PLCB4: variants seen among roughly 807,000 people sequenced by gnomAD.
The protein encoded by PLCB4 is phospholipase C beta 4.
PLCB4 carries 77 observed loss-of-function variants against 178.8 expected under a neutral mutation model. That is an observed-to-expected ratio of 0.43 (90% CI 0.36 to 0.52). The LOEUF (loss-of-function observed/expected upper bound fraction) is 0.52, where lower values mean the gene tolerates loss of function less well. PLCB4 is among the 20% of genes least tolerant of loss of function. PLCB4 has a pLI of 0.00. For missense variants in PLCB4, 1,024 were observed against 1,453.4 expected, an observed-to-expected ratio of 0.70 and a Z score of 4.80; for synonymous variants, 496 against 490.8, an observed-to-expected ratio of 1.01 and a Z score of -0.14.
chr20:9,173,393 A>C (rs1328706677), intron 2 of PLCB4, among the ~76,000 whole-genome samples: 1 of 152,184 alleles, frequency 6.6e-6, no homozygotes, highest in Non-Finnish European at 1.5e-5. Flanking sequence ...CCTTTAGAGG[A>C]GACACACGCT....
At chr20:9,236,397 A>T (rs928884016) in intron 3 of PLCB4, among the ~76,000 whole-genome samples, 6 of 152,196 alleles carry the variant, frequency 3.9e-5, no homozygotes, top group Non-Finnish European at 7.3e-5. Context: ...TAATGATATA[A>T]ATTGATAGGA....
At chr20:9,468,092 C>T (rs1288942420) in intron 35 of PLCB4, among the ~76,000 whole-genome samples, 1 of 152,068 alleles carries the variant, frequency 6.6e-6, no homozygotes, top group Non-Finnish European at 1.5e-5. Flanking sequence ...CTCTTCCAGC[C>T]CATCTGATCC....
chr20:9,312,537 A>G (rs1037076837), intron 4 of PLCB4, among the ~76,000 whole-genome samples: 1 of 152,116 alleles, frequency 6.6e-6, no homozygotes, highest in Admixed American at 6.6e-5. Flanking sequence ...CCTCTTTCCA[A>G]GGTGGTTCTG....
chr20:9,101,524 G>A (rs1443309524), intron 2 of PLCB4, among the ~76,000 whole-genome samples: 2 of 152,074 alleles, frequency 1.3e-5, no homozygotes, highest in Non-Finnish European at 2.9e-5. Flanking sequence ...AGAGAAATGA[G>A]GTTCTATTAT....
intron 2 of PLCB4, among the ~76,000 whole-genome samples, chr20:9,212,854 A>G (rs1207446756): frequency 6.6e-6 from 1 of 152,192 alleles, no homozygotes; most frequent in Admixed American, 6.5e-5. Context: ...GACTGCTTTC[A>G]TGAAGTATAA....
At chr20:9,154,949 T>C (rs2092761442) in intron 2 of PLCB4, among the ~76,000 whole-genome samples, 1 of 142,378 alleles carries the variant, frequency 7.0e-6, no homozygotes, top group Non-Finnish European at 1.5e-5. Context: ...CCTTCCTTCC[T>C]TCCTTCCTTC....
At chr20:9,236,831 T>C (rs1417263648) in intron 3 of PLCB4, among the ~76,000 whole-genome samples, 1 of 152,242 alleles carries the variant, frequency 6.6e-6, no homozygotes, top group Non-Finnish European at 1.5e-5. Flanking sequence ...GGATAAAAGT[T>C]GTCCTGTAAG....
At chr20:9,392,401 T>C (rs931485514) in intron 17 of PLCB4, among the ~76,000 whole-genome samples, 1 of 152,202 alleles carries the variant, frequency 6.6e-6, no homozygotes, top group Non-Finnish European at 1.5e-5. Flanking sequence ...TCTATGTAAA[T>C]GAATAGGATG....
chr20:9,228,056 G>A (rs962104187), intron 3 of PLCB4, among the ~76,000 whole-genome samples: 1 of 152,160 alleles, frequency 6.6e-6, no homozygotes, highest in Non-Finnish European at 1.5e-5. Flanking sequence ...TCAAAGCAAA[G>A]CCAGCGCACA....
rs1176519948 is a variant in PLCB4 at position 9,308,284 on chromosome 20, T to C, written c.84+386T>C. On this transcript the variant is annotated intron_variant, in intron 4 of 39. Transcript: ENST00000378473. The stretch of plus-strand genomic sequence containing the variant: ...GTATGTGTTATAAATGTAATAGTGA[T>C]TGAACTTTGTGCCAGTCATTGCTTT... 2.6e-5 allele frequency among the ~76,000 whole-genome samples: 4 copies of C among 152,220 alleles called. No homozygotes were observed. The East Asian group carries it at 7.7e-4, about 29-fold the overall frequency.
chr20:9,191,826 T>C (rs2093408242), intron 2 of PLCB4, among the ~76,000 whole-genome samples: 1 of 151,904 alleles, frequency 6.6e-6, no homozygotes, highest in South Asian at 2.1e-4. Context: ...TCGAATATAT[T>C]TCTATAGGTC....
intron 33 of PLCB4, among the ~76,000 whole-genome samples, chr20:9,454,752 A>G (rs141777090): frequency 1.3e-5 from 2 of 152,198 alleles, no homozygotes; most frequent in Admixed American, 1.3e-4. Context: ...TGAGGAGTAA[A>G]TGGTGGGTAA....
At chr20:9,336,532 C>T (rs1311615869) in intron 4 of PLCB4, among the ~76,000 whole-genome samples, 1 of 152,126 alleles carries the variant, frequency 6.6e-6, no homozygotes, top group East Asian at 1.9e-4. Flanking sequence ...CACATCCCCC[C>T]AGACTCTGAC....
chr20:9,187,504 G>C (rs533145964), intron 2 of PLCB4, among the ~76,000 whole-genome samples: 1 of 152,298 alleles, frequency 6.6e-6, no homozygotes, highest in African/African-American at 2.4e-5. Context: ...ATGCCAGACT[G>C]TAAACCCTCT....
At chr20:9,355,279 A>T (rs549560028) in intron 7 of PLCB4, among the ~76,000 whole-genome samples, 1 of 149,680 alleles carries the variant, frequency 6.7e-6, no homozygotes, top group African/African-American at 2.5e-5. Context: ...AAATTTTTTT[A>T]TTTTTTATAT....
rs76168453 is a variant in PLCB4 at position 9,473,759 on chromosome 20, A to G, written c.3495+394A>G. ...AAATGAGAGAAACCACCTATTTTCA[A>G]ACTCAATCTGAAAACGAAGTTTAAA... On this transcript the variant is annotated intron_variant, in intron 38 of 39. Coordinates refer to ENST00000378473, the MANE Select transcript of PLCB4 (RefSeq NM_001377142.1). 1.4e-3 allele frequency among the ~76,000 whole-genome samples: 217 copies of G among 152,290 alleles called. 1 individual carries two copies. Among genetic ancestry groups the G allele is most frequent in the African/African-American group, 4.9e-3 (205 of 41,558 alleles).
intron 3 of PLCB4, among the ~76,000 whole-genome samples, chr20:9,263,375 A>G (rs534234589): frequency 6.6e-6 from 1 of 152,286 alleles, no homozygotes. Context: ...TTTCACCATC[A>G]CTGTCTTTTC....
intron 2 of PLCB4, among the ~76,000 whole-genome samples, chr20:9,185,696 CTG>C (rs2093319752): frequency 2.6e-5 from 4 of 152,264 alleles, no homozygotes; most frequent in Admixed American, 2.0e-4. Flanking sequence ...CCCACCAGGC[CTG>C]TGTGATCTGA....
chr20:9,427,868 G>A (rs148300741), intron 28 of PLCB4, among the ~76,000 whole-genome samples: 234 of 152,192 alleles, frequency 1.5e-3, no homozygotes, highest in African/African-American at 5.2e-3. Flanking sequence ...GTCACTCCCC[G>A]CTGTGTTTCA....
Sources: allele counts gnomAD v4.1 joint callset (sites outside exome capture counted in the v4.1 genomes callset), GRCh38; gene constraint gnomAD v4.1.1; transcripts MANE v1.5; gene names NCBI Gene and HGNC (gene_info 2026-07-23, HGNC 2026-07-21).